The following NEURL3 variants were observed in gnomAD, a reference collection of about 807,000 sequenced individuals.
The protein encoded by NEURL3 is neuralized E3 ubiquitin protein ligase 3, also known as E3 ubiquitin-protein ligase NEURL3.
NEURL3 carries 19 observed loss-of-function variants against 17.6 expected under a neutral mutation model. The observed-to-expected ratio is 1.08, with a 90% CI of 0.75 to 1.58. The LOEUF (loss-of-function observed/expected upper bound fraction) is 1.58. Among genes scored for constraint, NEURL3 ranks in the 40% most tolerant of loss-of-function variants. The pLI, the probability that NEURL3 is intolerant of heterozygous loss-of-function variation, is 0.00. For synonymous variants in NEURL3, 180 were observed against 161.4 expected (o/e 1.11, Z -0.87); for missense variants, 342 against 379.6 (o/e 0.90, Z 0.82).
chr2:96,502,662 TCACTG>T (rs2065521508), intron 1 of NEURL3, among the ~76,000 whole-genome samples: 1 of 152,214 alleles, frequency 6.6e-6, no homozygotes, highest in African/African-American at 2.4e-5. Flanking sequence ...TTTGGCTGGG[TCACTG>T]CCCATCCCTG....
intron 2 of NEURL3, chr2:96,500,158 C>G (rs1482881766): frequency 4.2e-6 from 2 of 473,192 alleles, no homozygotes; most frequent in East Asian, 8.3e-5. Flanking sequence ...AATGTTTCTT[C>G]CTTTGTAAAA....
chr2:96,507,491 G>A (rs2065570242), upstream of NEURL3, among the ~76,000 whole-genome samples: 1 of 152,174 alleles, frequency 6.6e-6, no homozygotes, highest in African/African-American at 2.4e-5. Flanking sequence ...TTGAGAGGGA[G>A]TCTCGCTCTG....
At chr2:96,500,087 T>C (rs906301203) in intron 2 of NEURL3, 9 of 312,702 alleles carry the variant, frequency 2.9e-5, no homozygotes, top group African/African-American at 4.4e-5. Context: ...CACCTGTGTG[T>C]TCCCTTTGCT....
In NEURL3 at chr2:96,498,437, C is replaced by A; in HGVS notation, c.596G>T (p.Gly199Val). The stretch of plus-strand genomic sequence containing the variant: ...ATAGAAGCAGATGGCACACTCCTCT[C>A]CTGGTGTGGCTGGAAGAGGGAGCAA... ...KAVPEPKATP[G>V]EECAICFYHA... The change falls in exon 4 of 4, where the codon GGA (glycine) becomes GTA (valine). Residue 199 changes from glycine to valine, a missense_variant. Physicochemically the swap from Gly to Val is moderately radical, Grantham distance 109. Transcript: ENST00000451794. This position sits in a 1 kb window ranked among gnomAD's most constrained non-coding sequence, Gnocchi z 4.4. 6.3e-7 allele frequency: 1 copy of A among 1,595,720 alleles called. No individual in the cohort carries two copies. The highest frequency in any genetic ancestry group is 8.5e-7 in the Non-Finnish European group (1 of 1,176,788).
intron 3 of NEURL3, 106 bp downstream of exon 3, chr2:96,499,272 A>T (rs2065473366): frequency 1.3e-6 from 2 of 1,503,838 alleles, no homozygotes; most frequent in Non-Finnish European, 1.8e-6. Context: ...TTTGGCCCAA[A>T]GCCTGTGAGA....
intron 1 of NEURL3, among the ~76,000 whole-genome samples, chr2:96,501,256 T>C (rs528524137): frequency 6.6e-6 from 1 of 152,298 alleles, no homozygotes; most frequent in African/African-American, 2.4e-5. Flanking sequence ...GTTCTTGCTG[T>C]GTTGCCCAGG....
intron 2 of NEURL3, 42 bp downstream of exon 2, chr2:96,500,397 C>A: frequency 6.3e-7 from 1 of 1,594,154 alleles, no homozygotes; most frequent in Non-Finnish European, 8.5e-7. Flanking sequence ...CTGGAGCCCC[C>A]ATCTCCCCAC....
rs200537949 is a variant in NEURL3, at chr2:96,501,673, AG to A, written c.29-750del. ...GCTCTGAAACCAGGGGACTTCCCAC[AG>A]GACTCTGCCTGGCAGTCAGAAGGGG... On this transcript the variant is annotated intron_variant, in intron 1 of 3. Coordinates refer to ENST00000451794, the MANE Select transcript of NEURL3 (RefSeq NM_001285485.2). Among the ~76,000 whole-genome samples the A allele has an allele frequency of 5.7e-3, 866 of 152,176 alleles. 6 individuals carry two copies. The highest frequency in any genetic ancestry group is 0.034 in the Middle Eastern group (10 of 294).
chr2:96,504,940 T>G (rs1046770930), intron 1 of NEURL3, among the ~76,000 whole-genome samples: 8 of 147,370 alleles, frequency 5.4e-5, no homozygotes, highest in African/African-American at 2.0e-4. Flanking sequence ...GCTCTTCCAC[T>G]ACGGGACACC....
rs2065495014 is a variant in NEURL3 at position 96,500,635 on chromosome 2, CGGGCT to C, written c.313_317del (p.Ser105AspfsTer8). On this transcript the variant is annotated frameshift_variant, in exon 2 of 4. Transcript: ENST00000451794. LOFTEE classifies it high-confidence loss of function. Reference sequence around the variant, plus strand: ...CCTCAGGCAGCACGGCCGCCCACGTCGGGCTCTGCTCCTCCAGGTCGGGGCACAGG... The same window carrying C: ...CCTCAGGCAGCACGGCCGCCCACGTCCTGCTCCTCCAGGTCGGGGCACAGG... The C allele has an allele frequency of 6.6e-7, 1 of 1,518,832 alleles. No homozygotes were observed. Among genetic ancestry groups the C allele is most frequent in the Non-Finnish European group, 8.8e-7 (1 of 1,139,976 alleles). 94.1% of individuals were successfully genotyped at this position (1,518,832 alleles called of 1,614,324 possible).
intron 1 of NEURL3, 50 bp downstream of exon 1, chr2:96,505,209 G>C (rs2065551109): frequency 6.3e-7 from 1 of 1,595,098 alleles, no homozygotes; most frequent in Non-Finnish European, 8.5e-7. Flanking sequence ...TCTGCTACCT[G>C]TACCCCCAGT....
Position 96,499,259 on chromosome 2 carries a change from T to A in NEURL3, c.586+119A>T. 4 of 1,468,726 alleles carry A rather than the reference T, an allele frequency of 2.7e-6. No homozygotes were observed. The South Asian group carries it at 5.6e-5, about 20-fold the overall frequency. 91.0% of individuals were successfully genotyped at this position (1,468,726 alleles called of 1,614,324 possible). On this transcript the variant is annotated intron_variant, in intron 3 of 3. Transcript: ENST00000451794. ...TAGGTTTCCAGTAGGCAGAGCCAAA[T>A]CTTTTGGCCCAAAGCCTGTGAGAGA...
At chr2:96,507,973 C>T (rs2065574753), upstream of NEURL3, 1 of 152,332 alleles carries the variant, frequency 6.6e-6, no homozygotes, top group Non-Finnish European at 1.5e-5. Context: ...TTGCGCCCCT[C>T]CACGGCCACT....
Position 96,500,737 on chromosome 2 carries a change from C to T in NEURL3, c.216G>A (p.Trp72Ter). The change falls in exon 2 of 4, where the codon TGG becomes TGA. Residue 72 changes from tryptophan to a stop codon, truncating the protein, a stop_gained. Coordinates refer to ENST00000451794, the MANE Select transcript of NEURL3 (RefSeq NM_001285485.2). LOFTEE classifies it high-confidence loss of function. ...TGAAGCCCACGCGGAGGCCGCCGCACCAGCCGCTCTCCTCCCGCAGCACTC... is the reference window on the plus strand; with the variant it reads ...TGAAGCCCACGCGGAGGCCGCCGCATCAGCCGCTCTCCTCCCGCAGCACTC... ...ALRVLREESGWCGGLRVGFTR... is the reference protein window; with the variant it reads ...ALRVLREESG The T allele has an allele frequency of 1.3e-6, 2 of 1,519,790 alleles. No homozygotes were observed. Among genetic ancestry groups the T allele is most frequent in the South Asian group, 1.2e-5 (1 of 82,562 alleles). 94.1% of individuals were successfully genotyped at this position (1,519,790 alleles called of 1,614,324 possible). A position where few individuals can be genotyped will look rare whatever the true frequency, so the allele number is the denominator to read the frequency against.
At position 96,498,193 on chromosome 2, in the gene NEURL3, G is replaced by C; in HGVS notation, c.*51C>G. 6.8e-7 allele frequency: 1 copy of C among 1,475,950 alleles called. No homozygotes were observed. Among genetic ancestry groups the C allele is most frequent in the Non-Finnish European group, 9.0e-7 (1 of 1,108,032 alleles). The allele number at this position is 1,475,950 out of a possible 1,614,324, so 91.4% of individuals were successfully genotyped here. On this transcript the variant is annotated 3_prime_UTR_variant, in exon 4 of 4. Coordinates refer to ENST00000451794, the MANE Select transcript of NEURL3 (RefSeq NM_001285485.2). This position sits in a 1 kb window ranked among gnomAD's most constrained non-coding sequence, Gnocchi z 4.4. The stretch of plus-strand genomic sequence containing the variant: ...CTGCGCCTCCTTCCTCTCTGCAGGG[G>C]CCAGACTCAGATCTAGGCCCGGGCT...
chr2:96,507,022 C>A (rs1309213438), upstream of NEURL3, among the ~76,000 whole-genome samples: 1 of 152,200 alleles, frequency 6.6e-6, no homozygotes, highest in South Asian at 2.1e-4. Context: ...ACATGCCACC[C>A]CAAAATATGG....
Position 96,498,414 on chromosome 2 carries a change from A to G in NEURL3, c.619T>C (p.Tyr207His), listed in dbSNP as rs1274743226. 2 of 1,598,946 alleles carry G rather than the reference A, an allele frequency of 1.3e-6. No individual in the cohort carries two copies. The highest frequency in any genetic ancestry group is 2.7e-5 in the African/African-American group (2 of 75,038). The change falls in exon 4 of 4, where the codon TAT (tyrosine) becomes CAT (histidine). Residue 207 changes from tyrosine (Y) to histidine (H), a missense_variant. Coordinates refer to ENST00000451794, the MANE Select transcript of NEURL3 (RefSeq NM_001285485.2). The surrounding 1 kb of genome is among the most constrained non-coding windows in gnomAD (Gnocchi z 4.4). The part of the protein sequence containing the change: ...TPGEECAICF[Y>H]HAANTRLVPC... ...ACAAGGCGGGTGTTGGCAGCGTGAT[A>G]GAAGCAGATGGCACACTCCTCTCCT...
chr2:96,504,028 G>A (rs568416202), intron 1 of NEURL3, among the ~76,000 whole-genome samples: 3 of 152,346 alleles, frequency 2.0e-5, no homozygotes, highest in Non-Finnish European at 2.9e-5. Flanking sequence ...CACCTGCCCC[G>A]GGGTCCCCAC....
At chr2:96,507,287 G>C (rs2065568677), upstream of NEURL3, among the ~76,000 whole-genome samples, 1 of 152,092 alleles carries the variant, frequency 6.6e-6, no homozygotes, top group African/African-American at 2.4e-5. Flanking sequence ...CCATTTCTTT[G>C]GGTCTTCATT....
Sources: allele counts gnomAD v4.1 joint callset (sites outside exome capture counted in the v4.1 genomes callset), GRCh38; gene constraint gnomAD v4.1.1; non-coding constraint Gnocchi (gnomAD v3.1); transcripts MANE v1.5; gene names NCBI Gene and HGNC (gene_info 2026-07-23, HGNC 2026-07-21).